Variants in KIAA0825 observed in about 807,000 individuals in gnomAD.
KIAA0825 encodes KIAA0825, also known as uncharacterized protein KIAA0825.
KIAA0825 carries 119 observed loss-of-function variants against 147.6 expected under a neutral mutation model. That is an observed-to-expected ratio of 0.81 (90% CI 0.69 to 0.94). The LOEUF (loss-of-function observed/expected upper bound fraction) is 0.94. Ranked by LOEUF, KIAA0825 falls within the 40% of genes least tolerant of loss-of-function variation. The pLI, the probability that KIAA0825 is intolerant of heterozygous loss-of-function variation, is 0.00. For missense variants in KIAA0825, 1,381 were observed against 1,472.7 expected (o/e 0.94, Z 1.02); for synonymous variants, 470 against 518.1 (o/e 0.91, Z 1.26).
chr5:94,371,188 T>G (rs1746657223), intron 20 of KIAA0825, among the ~76,000 whole-genome samples: 1 of 152,160 alleles, frequency 6.6e-6, no homozygotes, highest in Admixed American at 6.5e-5. Context: ...ATTTAAAAAA[T>G]TTTACACCAG....
At chr5:94,237,342 T>C (rs889370813) in intron 20 of KIAA0825, among the ~76,000 whole-genome samples, 2 of 152,166 alleles carry the variant, frequency 1.3e-5, no homozygotes, top group African/African-American at 4.8e-5. Context: ...CACTGCTTAA[T>C]GTAGATGTCA....
Position 94,525,383 on chromosome 5 carries a change from G to C in KIAA0825, c.132-1285C>G, listed in dbSNP as rs566220325. 3.3e-5 allele frequency among the ~76,000 whole-genome samples: 5 copies of C among 151,980 alleles called. No homozygotes were observed. The South Asian group carries it at 1.0e-3, about 31-fold the overall frequency. On this transcript the variant is annotated intron_variant, in intron 3 of 20. Coordinates refer to ENST00000682413, the MANE Select transcript of KIAA0825 (RefSeq NM_001145678.3). Reference sequence around the variant, plus strand: ...GTTTTCAGGAGACTTCTGAGCATGAGTGAATTCAAAGTAAATTACCTTGAA... The same window carrying C: ...GTTTTCAGGAGACTTCTGAGCATGACTGAATTCAAAGTAAATTACCTTGAA...
intron 20 of KIAA0825, among the ~76,000 whole-genome samples, chr5:94,154,350 G>A (rs1488620938): frequency 6.6e-6 from 1 of 152,106 alleles, no homozygotes; most frequent in East Asian, 1.9e-4. Context: ...TCCACTTCAG[G>A]ATAAAGTTTT....
chr5:94,588,024 A>C (rs888901042), intron 1 of KIAA0825, among the ~76,000 whole-genome samples: 1 of 152,140 alleles, frequency 6.6e-6, no homozygotes, highest in Admixed American at 6.6e-5. Context: ...CCTTCCTTAC[A>C]TCTGACCAAA....
At chr5:94,302,320 CT>C (rs1014640094) in intron 20 of KIAA0825, among the ~76,000 whole-genome samples, 3 of 151,892 alleles carry the variant, frequency 2.0e-5, no homozygotes, top group East Asian at 1.9e-4. Flanking sequence ...AATTATTTCC[CT>C]TTTTTTTCTT....
At chr5:94,352,989 T>C (rs1246216620) in intron 20 of KIAA0825, among the ~76,000 whole-genome samples, 1 of 152,070 alleles carries the variant, frequency 6.6e-6, no homozygotes, top group African/African-American at 2.4e-5. Flanking sequence ...ACTGCTTGGG[T>C]GATGCGTGCA....
At chr5:94,508,922 T>A (rs1465150116) in intron 5 of KIAA0825, among the ~76,000 whole-genome samples, 3 of 152,196 alleles carry the variant, frequency 2.0e-5, no homozygotes, top group Admixed American at 2.0e-4. Context: ...GATGCCCAAC[T>A]CTGTTGGGAA....
chr5:94,393,268 G>A (rs970698145), intron 17 of KIAA0825, among the ~76,000 whole-genome samples: 5 of 152,210 alleles, frequency 3.3e-5, no homozygotes, highest in African/African-American at 1.2e-4. Context: ...TATGCACCCA[G>A]CCAGCCAAGT....
chr5:94,356,742 T>TTTTTTTTTTTTTTTTA (rs1386151871), intron 20 of KIAA0825, among the ~76,000 whole-genome samples: 1 of 146,374 alleles, frequency 6.8e-6, no homozygotes, highest in Non-Finnish European at 1.5e-5. Context: ...TTTTTTTTTT[T>TTTTTTTTTTTTTTTTA]GAGACGGAGT....
chr5:94,342,643 C>G (rs965830497), intron 20 of KIAA0825, among the ~76,000 whole-genome samples: 2 of 152,054 alleles, frequency 1.3e-5, no homozygotes, highest in Admixed American at 6.5e-5. Context: ...AAAGTTTACC[C>G]TGATGTTTCA....
At chr5:94,598,218 A>C (rs1237918829) in intron 1 of KIAA0825, among the ~76,000 whole-genome samples, 1 of 152,114 alleles carries the variant, frequency 6.6e-6, no homozygotes, top group Non-Finnish European at 1.5e-5. Context: ...TTATAGCCTT[A>C]TTCTATAAGT....
chr5:94,311,934 A>T (rs1368203885), intron 20 of KIAA0825, among the ~76,000 whole-genome samples: 1 of 151,632 alleles, frequency 6.6e-6, no homozygotes, highest in African/African-American at 2.4e-5. Context: ...TAGCAAGACC[A>T]CACAAAAGAT....
intron 20 of KIAA0825, among the ~76,000 whole-genome samples, chr5:94,362,497 G>A (rs929451928): frequency 6.6e-6 from 1 of 152,022 alleles, no homozygotes; most frequent in Non-Finnish European, 1.5e-5. Context: ...CCTTTGTCTA[G>A]ACTACTTCTC....
chr5:94,307,525 A>T (rs1778822434), intron 20 of KIAA0825, among the ~76,000 whole-genome samples: 4 of 151,702 alleles, frequency 2.6e-5, no homozygotes, highest in African/African-American at 7.3e-5. Context: ...TCTAGCCTTG[A>T]TTTCTTCTAT....
At chr5:94,483,107 T>G (rs1264692891) in intron 6 of KIAA0825, among the ~76,000 whole-genome samples, 1 of 151,998 alleles carries the variant, frequency 6.6e-6, no homozygotes, top group Admixed American at 6.6e-5. Context: ...TTTTCAAAAT[T>G]GTTATTTTCT....
At chr5:94,323,238 A>G (rs183962934) in intron 20 of KIAA0825, among the ~76,000 whole-genome samples, 225 of 152,144 alleles carry the variant, frequency 1.5e-3, no homozygotes, top group African/African-American at 5.2e-3. Flanking sequence ...CATGTACAAA[A>G]GAAAAATACA....
At chr5:94,489,503 C>CA (rs1270993754) in intron 5 of KIAA0825, among the ~76,000 whole-genome samples, 1 of 142,754 alleles carries the variant, frequency 7.0e-6, no homozygotes, top group East Asian at 2.2e-4. Flanking sequence ...CTCTAAGCAT[C>CA]AAAAAAACTA....
At chr5:94,369,172 ATAAAATATTAT>A (rs1562425333) in intron 20 of KIAA0825, among the ~76,000 whole-genome samples, 2 of 152,046 alleles carry the variant, frequency 1.3e-5, no homozygotes. Flanking sequence ...ATAAATATAA[ATAAAATATTAT>A]TAAGGGGAAA....
At chr5:94,324,616 T>G (rs1780505848) in intron 20 of KIAA0825, among the ~76,000 whole-genome samples, 2 of 152,050 alleles carry the variant, frequency 1.3e-5, no homozygotes, top group Admixed American at 1.3e-4. Context: ...TTTTAAATCC[T>G]GTTTTCCCCT....
Sources: gnomAD v4.1 joint callset for allele counts (sites outside exome capture counted in the v4.1 genomes callset) on GRCh38, gnomAD v4.1.1 for gene constraint, MANE v1.5 for transcripts, NCBI Gene and HGNC (gene_info 2026-07-23, HGNC 2026-07-21) for gene names.